Variants in PCDH15 observed in about 807,000 individuals in gnomAD.
PCDH15 encodes the protein protocadherin related 15, also known as protocadherin-15.
Under a neutral mutation model 178.5 loss-of-function variants are expected in PCDH15, and 129 were observed. That is an observed-to-expected ratio of 0.72 (90% CI 0.63 to 0.84). The LOEUF is 0.84. Ranked by LOEUF, PCDH15 falls within the 40% of genes least tolerant of loss-of-function variation. The pLI is 0.00. For synonymous variants in PCDH15, 800 were observed against 732.0 expected (o/e 1.09, Z -1.50); for missense variants, 2,230 against 2,099.9 (o/e 1.06, Z -1.21).
At chr10:54,414,223 CAA>C in intron 3 of PCDH15, among the ~76,000 whole-genome samples, 1 of 152,134 alleles carries the variant, frequency 6.6e-6, no homozygotes, top group African/African-American at 2.4e-5. Context: ...AGACTTGAAT[CAA>C]ATGAAAGACA....
At chr10:54,155,810 A>T (rs1246986734) in intron 13 of PCDH15, among the ~76,000 whole-genome samples, 1 of 151,878 alleles carries the variant, frequency 6.6e-6, no homozygotes, top group Non-Finnish European at 1.5e-5. Context: ...AAAAAAAAAA[A>T]ATCCAAAACC....
At chr10:55,392,344 T>A (rs1299507949) in intron 2 of PCDH15, among the ~76,000 whole-genome samples, 1 of 152,160 alleles carries the variant, frequency 6.6e-6, no homozygotes, top group Non-Finnish European at 1.5e-5. Context: ...CAAAGTGCAA[T>A]AAAACAAAGT....
At position 54,349,437 on chromosome 10, in the gene PCDH15, G is replaced by A. The variant is rs571926208; in HGVS notation, c.475-2953C>T. 2.0e-5 allele frequency among the ~76,000 whole-genome samples: 3 copies of A among 152,284 alleles called. No individual in the cohort carries two copies. In the South Asian group the frequency reaches 6.2e-4, roughly 32 times the overall value. ...GTCCTTACAATGTAATATTTGTAAA[G>A]TTGAAGGCATATTTCTAAATTCAAT... On this transcript the variant is annotated intron_variant, in intron 5 of 37. Coordinates refer to ENST00000644397, the MANE Select transcript of PCDH15 (RefSeq NM_001384140.1).
intron 25 of PCDH15, among the ~76,000 whole-genome samples, chr10:53,935,198 T>G (rs1360595937): frequency 2.0e-5 from 3 of 152,192 alleles, no homozygotes; most frequent in Admixed American, 2.0e-4. Flanking sequence ...ATGAGTCAAG[T>G]TATCCAGTCA....
chr10:55,561,428 TTGTC>T (rs1842196679), intron 2 of PCDH15, among the ~76,000 whole-genome samples: 2 of 151,922 alleles, frequency 1.3e-5, no homozygotes, highest in Admixed American at 1.3e-4. Flanking sequence ...TATCCAAAAG[TTGTC>T]TGTATTTAAA....
At chr10:54,047,224 T>C (rs1480970406) in intron 18 of PCDH15, among the ~76,000 whole-genome samples, 1 of 152,120 alleles carries the variant, frequency 6.6e-6, no homozygotes, top group Non-Finnish European at 1.5e-5. Context: ...ATGTCTGTTA[T>C]ACTTTTCTTC....
chr10:54,854,109 C>T (rs556186255), intron 3 of PCDH15, among the ~76,000 whole-genome samples: 19 of 152,256 alleles, frequency 1.2e-4, no homozygotes, highest in African/African-American at 4.3e-4. Context: ...GCTGCTGCAG[C>T]GGGACGGGCA....
At chr10:54,105,310 A>ATATATG (rs2094896273) in intron 15 of PCDH15, among the ~76,000 whole-genome samples, 1 of 89,502 alleles carries the variant, frequency 1.1e-5, no homozygotes, top group South Asian at 3.0e-4. Flanking sequence ...ATATATATAT[A>ATATATG]TATATATACA....
At chr10:55,494,038 AG>A (rs1339649443) in intron 2 of PCDH15, among the ~76,000 whole-genome samples, 2 of 151,882 alleles carry the variant, frequency 1.3e-5, no homozygotes, top group African/African-American at 2.4e-5. Flanking sequence ...TCTAACACAT[AG>A]TCTGTTCTGG....
intron 2 of PCDH15, among the ~76,000 whole-genome samples, chr10:55,034,325 A>C (rs1377752153): frequency 1.3e-5 from 2 of 152,128 alleles, no homozygotes; most frequent in East Asian, 3.9e-4. Flanking sequence ...CCTAACAGTG[A>C]GAGTTGAATG....
chr10:54,073,981 G>A (rs1397796480), intron 17 of PCDH15, among the ~76,000 whole-genome samples: 1 of 152,080 alleles, frequency 6.6e-6, no homozygotes, highest in African/African-American at 2.4e-5. Context: ...AAAAAACTTT[G>A]GTGCTTTGTT....
At chr10:53,968,659 GAGGA>G (rs1190680111) in intron 21 of PCDH15, among the ~76,000 whole-genome samples, 1 of 152,192 alleles carries the variant, frequency 6.6e-6, no homozygotes, top group African/African-American at 2.4e-5. Context: ...GAAGCTTCCA[GAGGA>G]AGGATCAGGC....
At chr10:54,206,373 G>T (rs562007496) in intron 10 of PCDH15, among the ~76,000 whole-genome samples, 11 of 152,130 alleles carry the variant, frequency 7.2e-5, no homozygotes, top group Admixed American at 7.2e-4. Context: ...AATCATCTTG[G>T]GTATAAACAG....
intron 1 of PCDH15, among the ~76,000 whole-genome samples, chr10:54,753,080 C>A (rs1946563731): frequency 6.6e-6 from 1 of 152,088 alleles, no homozygotes; most frequent in African/African-American, 2.4e-5. Flanking sequence ...AAGGAGTTAC[C>A]CACATATAAA....
chr10:55,254,045 T>G (rs191454259), intron 1 of PCDH15, among the ~76,000 whole-genome samples: 1 of 152,310 alleles, frequency 6.6e-6, no homozygotes, highest in Non-Finnish European at 1.5e-5. Context: ...AGGTCTTCTT[T>G]GAAAGCTACT....
chr10:53,892,304 C>A (rs964968802), intron 26 of PCDH15, among the ~76,000 whole-genome samples: 1 of 152,046 alleles, frequency 6.6e-6, no homozygotes, highest in African/African-American at 2.4e-5. Flanking sequence ...GGATTACAGG[C>A]GTGAGCCACT....
At chr10:54,790,929 A>T (rs1262426204) in intron 1 of PCDH15, among the ~76,000 whole-genome samples, 1 of 151,954 alleles carries the variant, frequency 6.6e-6, no homozygotes, top group Non-Finnish European at 1.5e-5. Flanking sequence ...TAATTTTAAA[A>T]AAGCAAATGA....
intron 2 of PCDH15, among the ~76,000 whole-genome samples, chr10:55,483,846 A>C (rs1269067787): frequency 6.6e-6 from 1 of 151,110 alleles, no homozygotes; most frequent in Non-Finnish European, 1.5e-5. Context: ...ACATGGATAC[A>C]TGCATGCATA....
chr10:55,371,397 A>C (rs112533100), intron 2 of PCDH15, among the ~76,000 whole-genome samples: 1 of 152,054 alleles, frequency 6.6e-6, no homozygotes, highest in Non-Finnish European at 1.5e-5. Flanking sequence ...GGATGCTAAA[A>C]ATTTCAGAAC....
Sources: gnomAD v4.1 joint callset for allele counts (sites outside exome capture counted in the v4.1 genomes callset) on GRCh38, gnomAD v4.1.1 for gene constraint, MANE v1.5 for transcripts, NCBI Gene and HGNC (gene_info 2026-07-23, HGNC 2026-07-21) for gene names.